The following GRID1 variants were observed in gnomAD, a reference collection of about 807,000 sequenced individuals.
GRID1 encodes glutamate ionotropic receptor delta type subunit 1.
Under a neutral mutation model 98.0 loss-of-function variants are expected in GRID1, and 28 were observed. The observed-to-expected ratio is 0.29, with a 90% CI of 0.21 to 0.39. The LOEUF is 0.39. Among genes scored for constraint, GRID1 ranks in the 10% least tolerant of loss-of-function variants. The pLI is 1.00. For synonymous variants in GRID1, 553 were observed against 538.5 expected, an observed-to-expected ratio of 1.03 and a Z score of -0.37; for missense variants, 1,111 against 1,340.5, an observed-to-expected ratio of 0.83 and a Z score of 2.67.
chr10:85,782,032 A>G (rs1470215457), intron 8 of GRID1, among the ~76,000 whole-genome samples: 2 of 152,206 alleles, frequency 1.3e-5, no homozygotes. Flanking sequence ...AATCTTCCTA[A>G]AGGCAAAAAA....
At chr10:85,619,785 C>A (rs1213742321) in intron 14 of GRID1, 82 bp downstream of exon 14, 1 of 1,080,638 alleles carries the variant, frequency 9.3e-7, no homozygotes, top group Non-Finnish European at 1.4e-6. Context: ...TGCATTGGCT[C>A]TTATCTTCTA....
At chr10:85,936,523 A>AAC (rs1158743897) in intron 4 of GRID1, among the ~76,000 whole-genome samples, 1 of 151,946 alleles carries the variant, frequency 6.6e-6, no homozygotes, top group Non-Finnish European at 1.5e-5. Context: ...CAAACTAAAA[A>AAC]AAAAAAAGAA....
At chr10:86,220,329 C>T (rs1434166356) in intron 2 of GRID1, among the ~76,000 whole-genome samples, 5 of 152,152 alleles carry the variant, frequency 3.3e-5, no homozygotes, top group Admixed American at 6.5e-5. Flanking sequence ...CCGAACTACC[C>T]GGACTCGAAT....
chr10:85,687,901 T>C (rs770448030), intron 12 of GRID1, among the ~76,000 whole-genome samples: 4 of 152,008 alleles, frequency 2.6e-5, no homozygotes, highest in African/African-American at 4.8e-5. Flanking sequence ...TCACTGAGAG[T>C]GAAATGACTG....
chr10:85,851,668 T>C (rs113013914), intron 8 of GRID1, among the ~76,000 whole-genome samples: 4 of 152,202 alleles, frequency 2.6e-5, no homozygotes, highest in Admixed American at 6.5e-5. Flanking sequence ...CTGGTTTTGT[T>C]CATATATGAC....
intron 2 of GRID1, among the ~76,000 whole-genome samples, chr10:86,272,916 T>TTTA (rs927981945): frequency 2.6e-5 from 4 of 152,184 alleles, no homozygotes; most frequent in African/African-American, 9.7e-5. Flanking sequence ...GTTTTTGTTT[T>TTTA]TTATTATTAT....
At chr10:85,938,811 T>G (rs1424626082) in intron 4 of GRID1, among the ~76,000 whole-genome samples, 1 of 152,212 alleles carries the variant, frequency 6.6e-6, no homozygotes, top group Non-Finnish European at 1.5e-5. Flanking sequence ...AACCTGTGAT[T>G]TGGAAAGCTT....
chr10:86,153,215 C>T (rs1012392317), intron 3 of GRID1, among the ~76,000 whole-genome samples: 2 of 152,194 alleles, frequency 1.3e-5, no homozygotes, highest in African/African-American at 4.8e-5. Flanking sequence ...GCCTCCCTGA[C>T]TGACACATTC....
Position 86,138,917 on chromosome 10 carries a change from T to C in GRID1, c.628A>G (p.Thr210Ala). The stretch of plus-strand genomic sequence containing the variant: ...TTCAGCTCCTCTGTCTTCATCGTGG[T>C]GAAGAGGCTGGTGAATACGTGGCTA... ...NISHVFTSLF[T>A]TMKTEELNRY... is the part of the protein sequence containing the mutation. Residue 210 changes from threonine (T) to alanine (A), a missense_variant, in exon 4 of 16, where the codon ACC becomes GCC. By Grantham distance (58) the Thr-to-Ala change is moderately conservative. This residue lies in a region of GRID1 where 346 missense variants were observed against 452.3 expected (regional missense o/e 0.76). Coordinates refer to ENST00000327946, the MANE Select transcript of GRID1 (RefSeq NM_017551.3). 2 of 1,614,076 alleles carry C rather than the reference T, an allele frequency of 1.2e-6. No individual in the cohort carries two copies. Among genetic ancestry groups the C allele is most frequent in the South Asian group, 1.1e-5 (1 of 91,080 alleles).
intron 8 of GRID1, among the ~76,000 whole-genome samples, chr10:85,786,137 T>C (rs1227412101): frequency 6.6e-6 from 1 of 152,188 alleles, no homozygotes; most frequent in Non-Finnish European, 1.5e-5. Flanking sequence ...TTCCCCCAAG[T>C]AGTTATCTTT....
At chr10:85,616,479 G>A (rs907892804) in intron 14 of GRID1, among the ~76,000 whole-genome samples, 7 of 152,164 alleles carry the variant, frequency 4.6e-5, no homozygotes, top group Admixed American at 6.5e-5. Flanking sequence ...CCACTCCTCC[G>A]CTCATTAGGC....
Position 85,865,191 on chromosome 10 carries a change from A to C in GRID1, c.951+3819T>G, listed in dbSNP as rs184644864. 7.9e-4 allele frequency among the ~76,000 whole-genome samples: 118 copies of C among 149,474 alleles called. 1 individual carries two copies. The Middle Eastern group carries it at 0.027, about 35-fold the overall frequency. On this transcript the variant is annotated intron_variant, in intron 6 of 15. Transcript: ENST00000327946. ...AGAATCAAAAACACACAAATAAGAC[A>C]GTGCTTTGTGGGGAAAAATAAACAA...
intron 3 of GRID1, among the ~76,000 whole-genome samples, chr10:86,191,478 CT>C (rs1281316738): frequency 1.3e-5 from 2 of 151,984 alleles, no homozygotes; most frequent in African/African-American, 4.8e-5. Context: ...CCACCCTCCC[CT>C]GTTCTTCCCT....
chr10:86,168,331 C>T (rs1348086887), intron 3 of GRID1, among the ~76,000 whole-genome samples: 2 of 152,150 alleles, frequency 1.3e-5, no homozygotes, highest in Non-Finnish European at 2.9e-5. Flanking sequence ...TGTGTGGAGC[C>T]GAGGAGACAA....
At chr10:85,728,289 C>T (rs1000096937) in intron 9 of GRID1, among the ~76,000 whole-genome samples, 6 of 152,132 alleles carry the variant, frequency 3.9e-5, no homozygotes, top group Admixed American at 6.5e-5. Flanking sequence ...TCATTTGTCC[C>T]GTGTCATCCC....
At chr10:85,713,629 A>AT (rs971334034) in intron 12 of GRID1, among the ~76,000 whole-genome samples, 2 of 102,816 alleles carry the variant, frequency 1.9e-5, no homozygotes, top group Non-Finnish European at 4.3e-5. Context: ...TCAATAGCAC[A>AT]TTAAAAAAAA....
At chr10:86,112,594 C>T (rs375493345) in intron 4 of GRID1, among the ~76,000 whole-genome samples, 50 of 135,630 alleles carry the variant, frequency 3.7e-4, no homozygotes, top group African/African-American at 1.3e-3. Flanking sequence ...ATGACAACTG[C>T]GGCCGAGCAG....
intron 5 of GRID1, among the ~76,000 whole-genome samples, chr10:85,907,275 C>T (rs761369168): frequency 5.3e-5 from 8 of 152,178 alleles, no homozygotes; most frequent in African/African-American, 1.4e-4. Flanking sequence ...CCACACCTGG[C>T]TAATTTTTGC....
rs148886001 is a variant in GRID1 at position 85,616,503 on chromosome 10, T to C, written c.2361-2856A>G. On this transcript the variant is annotated intron_variant, in intron 14 of 15. Coordinates refer to ENST00000327946, the MANE Select transcript of GRID1 (RefSeq NM_017551.3). The stretch of plus-strand genomic sequence containing the variant: ...CGCTCATTAGGCAGATCCTGTGCAA[T>C]GTCAGGCAAGTTGCTTAATTTTGCT... 4.4e-3 allele frequency among the ~76,000 whole-genome samples: 673 copies of C among 152,346 alleles called. 4 individuals are homozygous for C. The highest frequency in any genetic ancestry group is 5.0e-3 in the Non-Finnish European group (340 of 68,022).
Sources: gnomAD v4.1 joint callset for allele counts (sites outside exome capture counted in the v4.1 genomes callset) on GRCh38, gnomAD v4.1.1 for gene constraint, gnomAD v4.1.1 regional missense constraint, MANE v1.5 for transcripts, NCBI Gene and HGNC (gene_info 2026-07-23, HGNC 2026-07-21) for gene names.